Variants in UBE2E2 observed in about 807,000 individuals in gnomAD.
UBE2E2 encodes the protein ubiquitin conjugating enzyme E2 E2.
UBE2E2 carries 6 observed loss-of-function variants against 24.7 expected under a neutral mutation model. That is an observed-to-expected ratio of 0.24 (90% CI 0.13 to 0.48). The LOEUF (loss-of-function observed/expected upper bound fraction) is 0.48. UBE2E2 is among the 20% of genes least tolerant of loss of function. The probability of loss-of-function intolerance (pLI) is 0.99; values close to 1 mark genes in which losing one functional copy is unlikely to be tolerated. For synonymous variants in UBE2E2, 104 were observed against 83.6 expected, an observed-to-expected ratio of 1.24 and a Z score of -1.33; for missense variants, 169 against 245.0, an observed-to-expected ratio of 0.69 and a Z score of 2.07.
At chr3:23,453,845 A>G (rs1017374428) in intron 3 of UBE2E2, among the ~76,000 whole-genome samples, 3 of 152,198 alleles carry the variant, frequency 2.0e-5, no homozygotes, top group Admixed American at 6.5e-5. Context: ...GATGTTACAA[A>G]TATCTTGATA....
At chr3:23,272,566 G>A (rs1464739177) in intron 3 of UBE2E2, among the ~76,000 whole-genome samples, 1 of 152,248 alleles carries the variant, frequency 6.6e-6, no homozygotes, top group Admixed American at 6.5e-5. Context: ...CTCAGTATGA[G>A]TGTGTTGTAG....
At chr3:23,256,408 T>C (rs1035578649) in intron 3 of UBE2E2, among the ~76,000 whole-genome samples, 2 of 152,214 alleles carry the variant, frequency 1.3e-5, no homozygotes, top group East Asian at 1.9e-4. Context: ...GGATACTCCG[T>C]AACAAAGTAT....
chr3:23,451,073 T>C (rs1026921003), intron 3 of UBE2E2, among the ~76,000 whole-genome samples: 1 of 152,238 alleles, frequency 6.6e-6, no homozygotes, highest in Non-Finnish European at 1.5e-5. Context: ...CTTTGCAATT[T>C]TTCTGTAAAT....
At chr3:23,329,376 G>A (rs1299375294) in intron 3 of UBE2E2, among the ~76,000 whole-genome samples, 1 of 152,116 alleles carries the variant, frequency 6.6e-6, no homozygotes, top group East Asian at 1.9e-4. Flanking sequence ...AGTTTGTTTT[G>A]AATGTTCTGG....
chr3:23,590,012 TC>T lies in UBE2E2; in HGVS notation c.*184del. The T allele has an allele frequency of 3.7e-6, 2 of 534,948 alleles. No homozygotes were observed. Among genetic ancestry groups the T allele is most frequent in the South Asian group, 3.2e-5 (1 of 31,010 alleles). The allele number at this position is 534,948 out of a possible 1,614,324, so 33.1% of individuals were successfully genotyped here. A position where few individuals can be genotyped will look rare whatever the true frequency, so the allele number is the denominator to read the frequency against. ...AGTTCTTCCTGCCCCCCTTCCTCTCTCCCACGCTCTCTTTTATCTCTCATTT... is the reference window on the plus strand; with the variant it reads ...AGTTCTTCCTGCCCCCCTTCCTCTCTCCACGCTCTCTTTTATCTCTCATTT... On this transcript the variant is annotated 3_prime_UTR_variant, in exon 6 of 6. Transcript: ENST00000396703.
At chr3:23,409,046 A>G (rs1258185830) in intron 3 of UBE2E2, among the ~76,000 whole-genome samples, 2 of 152,152 alleles carry the variant, frequency 1.3e-5, no homozygotes, top group Admixed American at 1.3e-4. Context: ...GGTTCTCATC[A>G]TACTTCATAA....
At chr3:23,386,036 A>G (rs1026682136) in intron 3 of UBE2E2, among the ~76,000 whole-genome samples, 1 of 152,240 alleles carries the variant, frequency 6.6e-6, no homozygotes, top group African/African-American at 2.4e-5. Flanking sequence ...ACAAACATTT[A>G]TTAGTGTGGA....
intron 3 of UBE2E2, among the ~76,000 whole-genome samples, chr3:23,328,345 A>G (rs1228448519): frequency 1.3e-5 from 2 of 152,208 alleles, no homozygotes; most frequent in Non-Finnish European, 1.5e-5. Flanking sequence ...TGATGGTGCA[A>G]AAGTGATAAA....
intron 5 of UBE2E2, among the ~76,000 whole-genome samples, chr3:23,561,826 C>G (rs1373166546): frequency 4.0e-5 from 6 of 151,174 alleles, no homozygotes; most frequent in Admixed American, 3.3e-4. Flanking sequence ...TTTATTCTCT[C>G]TGAAGCAATT....
At chr3:23,262,229 G>A (rs975840108) in intron 3 of UBE2E2, among the ~76,000 whole-genome samples, 6 of 152,042 alleles carry the variant, frequency 3.9e-5, no homozygotes, top group African/African-American at 7.2e-5. Context: ...TTTCATGTAC[G>A]TGTTGGCCAT....
chr3:23,360,335 C>T (rs1177164159), intron 3 of UBE2E2, among the ~76,000 whole-genome samples: 1 of 152,044 alleles, frequency 6.6e-6, no homozygotes, highest in African/African-American at 2.4e-5. Flanking sequence ...TCCCTATTAC[C>T]TTCCTTCCTT....
At chr3:23,341,950 C>A (rs536044503) in intron 3 of UBE2E2, among the ~76,000 whole-genome samples, 1 of 152,080 alleles carries the variant, frequency 6.6e-6, no homozygotes, top group Non-Finnish European at 1.5e-5. Context: ...ATACATAGTT[C>A]CATATAACAA....
intron 5 of UBE2E2, among the ~76,000 whole-genome samples, chr3:23,558,737 C>T (rs1044330912): frequency 6.6e-6 from 1 of 152,120 alleles, no homozygotes; most frequent in Non-Finnish European, 1.5e-5. Flanking sequence ...ACTATTTCAA[C>T]TCTTCTCTTC....
chr3:23,502,642 C>G (rs995928066), intron 4 of UBE2E2, among the ~76,000 whole-genome samples: 2 of 152,152 alleles, frequency 1.3e-5, no homozygotes, highest in African/African-American at 4.8e-5. Context: ...ATGAGCTATT[C>G]TAGTAATTTC....
At chr3:23,214,366 G>T (rs1189362088) in intron 2 of UBE2E2, among the ~76,000 whole-genome samples, 1 of 151,994 alleles carries the variant, frequency 6.6e-6, no homozygotes, top group East Asian at 1.9e-4. Context: ...TGATCCTCCT[G>T]CCTTGGCCTC....
At chr3:23,249,469 T>C (rs980074825) in intron 3 of UBE2E2, among the ~76,000 whole-genome samples, 2 of 152,150 alleles carry the variant, frequency 1.3e-5, no homozygotes, top group African/African-American at 4.8e-5. Context: ...CTTCTTAGTA[T>C]GTTTTCCAGA....
intron 3 of UBE2E2, among the ~76,000 whole-genome samples, chr3:23,286,123 G>A (rs758826802): frequency 1.3e-5 from 2 of 152,158 alleles, no homozygotes; most frequent in Non-Finnish European, 2.9e-5. Context: ...CATTCTGTGG[G>A]TTGTCTCTTC....
chr3:23,317,387 G>T (rs926219178), intron 3 of UBE2E2, among the ~76,000 whole-genome samples: 1 of 152,184 alleles, frequency 6.6e-6, no homozygotes, highest in Non-Finnish European at 1.5e-5. Flanking sequence ...CCAATGCAAA[G>T]CCCACAGTTG....
intron 3 of UBE2E2, among the ~76,000 whole-genome samples, chr3:23,286,170 A>T (rs1373929029): frequency 1.3e-5 from 2 of 152,100 alleles, no homozygotes; most frequent in African/African-American, 4.8e-5. Context: ...TAGAAGCTTT[A>T]TAATTTGATG....
Sources: allele counts gnomAD v4.1 joint callset (sites outside exome capture counted in the v4.1 genomes callset), GRCh38; gene constraint gnomAD v4.1.1; transcripts MANE v1.5; gene names NCBI Gene and HGNC (gene_info 2026-07-23, HGNC 2026-07-21).